The following LRPPRC variants were observed in gnomAD, a reference collection of about 807,000 sequenced individuals.
LRPPRC encodes leucine-rich PPR motif-containing protein, mitochondrial.
A neutral mutation model predicts 180.3 loss-of-function variants in LRPPRC; 120 were observed. The observed-to-expected ratio is 0.67, with a 90% CI of 0.57 to 0.77. The LOEUF is 0.77. LRPPRC is among the 30% of genes least tolerant of loss of function. The pLI is 0.00. For missense variants in LRPPRC, 2,012 were observed against 1,657.2 expected (o/e 1.21, Z -3.72); for synonymous variants, 723 against 600.0 (o/e 1.21, Z -3.00).
chr2:43,935,247 G>A (rs1414486641), intron 23 of LRPPRC, among the ~76,000 whole-genome samples: 3 of 152,196 alleles, frequency 2.0e-5, no homozygotes, highest in Non-Finnish European at 4.4e-5. Flanking sequence ...AAGGACTACC[G>A]TCAAATACTT....
intron 30 of LRPPRC, among the ~76,000 whole-genome samples, chr2:43,911,965 T>C (rs1329484604): frequency 6.6e-6 from 1 of 152,156 alleles, no homozygotes; most frequent in Non-Finnish European, 1.5e-5. Flanking sequence ...AGTAATATTA[T>C]CATACACTCA....
chr2:43,976,947 A>G, intron 5 of LRPPRC, 47 bp downstream of exon 5: 1 of 1,484,914 alleles, frequency 6.7e-7, no homozygotes, highest in South Asian at 1.1e-5. Flanking sequence ...TTAGATTTAC[A>G]AAATGTACAA....
At position 43,934,779 on chromosome 2, in the gene LRPPRC, T is replaced by C. The variant is rs933122842; in HGVS notation, c.2604A>G (p.Lys868=). The C allele has an allele frequency of 1.9e-6, 3 of 1,612,892 alleles. No homozygotes were observed. Among genetic ancestry groups the C allele is most frequent in the African/African-American group, 1.3e-5 (1 of 74,914 alleles). ...CTTTCTGAATTAGATCAGTCTCGCCTTTCTCTACCAGTTTACACAAGACAT... is the reference window on the plus strand; with the variant it reads ...CTTTCTGAATTAGATCAGTCTCGCCCTTCTCTACCAGTTTACACAAGACAT... ...IHDVLCKLVE[K]GETDLIQKAM... is the part of the protein sequence containing the mutation. The change falls in exon 24 of 38, where the codon AAA becomes AAG. Residue 868 remains lysine, a synonymous_variant. Transcript: ENST00000260665.
Position 43,934,869 on chromosome 2 carries a change from T to G in LRPPRC, c.2514A>C (p.Leu838=), listed in dbSNP as rs369815413. The G allele has an allele frequency of 1.2e-6, 2 of 1,612,930 alleles. No individual in the cohort carries two copies. The highest frequency in any genetic ancestry group is 4.5e-5 in the East Asian group (2 of 44,820). ...CAATGGCGACCTCAAGAGCAGTAGA[T>G]AGGTCGCCCCTTAGAAACAAAAAAA... The part of the protein sequence containing the change: ...LVTVHLEKGD[L]STALEVAIDC... The change falls in exon 24 of 38, where the codon CTA becomes CTC. Residue 838 remains leucine, a synonymous_variant. Transcript: ENST00000260665.
At chr2:43,995,346 T>A (rs377024891) in intron 1 of LRPPRC, among the ~76,000 whole-genome samples, 5 of 152,198 alleles carry the variant, frequency 3.3e-5, no homozygotes, top group African/African-American at 1.2e-4. Flanking sequence ...CCCAACCCAC[T>A]CCTCGCCGCC....
chr2:43,922,152 T>C (rs186016136), intron 27 of LRPPRC, among the ~76,000 whole-genome samples: 1 of 152,316 alleles, frequency 6.6e-6, no homozygotes, highest in African/African-American at 2.4e-5. Context: ...TTGGGAAGGA[T>C]AGAAATGAAG....
intron 13 of LRPPRC, chr2:43,959,069 T>C (rs924884307): frequency 1.0e-5 from 6 of 577,156 alleles, no homozygotes; most frequent in Admixed American, 3.0e-5. Flanking sequence ...CTAGTTTCCT[T>C]AGCAACAAAC....
chr2:43,918,803 A>ATC (rs1558938319), intron 27 of LRPPRC, among the ~76,000 whole-genome samples: 4 of 131,732 alleles, frequency 3.0e-5, no homozygotes, highest in South Asian at 4.6e-4. Context: ...ATATATATAT[A>ATC]TATATAGATA....
intron 12 of LRPPRC, among the ~76,000 whole-genome samples, chr2:43,962,158 T>C (rs1468576857): frequency 6.6e-6 from 1 of 152,064 alleles, no homozygotes; most frequent in Non-Finnish European, 1.5e-5. Flanking sequence ...GATAAGTCAC[T>C]AGTGAGAAAG....
intron 31 of LRPPRC, chr2:43,904,365 A>C (rs1670989938): frequency 6.6e-6 from 1 of 152,152 alleles, no homozygotes; most frequent in Admixed American, 6.5e-5. Flanking sequence ...GCACAATTAA[A>C]CAACAACTTC....
chr2:43,917,801 A>C lies in LRPPRC; in HGVS notation c.3148+224T>G, dbSNP rs550923815. On this transcript the variant is annotated intron_variant, in intron 29 of 37. Coordinates refer to ENST00000260665, the MANE Select transcript of LRPPRC (RefSeq NM_133259.4). ...GAGACTTCATCTCAAAAAAAATAATAAAAAGAGTAATTCCTTAATATTATC... is the reference window on the plus strand; with the variant it reads ...GAGACTTCATCTCAAAAAAAATAATCAAAAGAGTAATTCCTTAATATTATC... Among the ~76,000 whole-genome samples, 9 of 152,184 alleles carry C rather than the reference A, an allele frequency of 5.9e-5. No individual in the cohort carries two copies. In the South Asian group the frequency reaches 1.9e-3, roughly 32 times the overall value.
chr2:43,980,602 A>G (rs955545988), intron 2 of LRPPRC, among the ~76,000 whole-genome samples: 29 of 151,766 alleles, frequency 1.9e-4, no homozygotes, highest in African/African-American at 6.0e-4. Flanking sequence ...GAGAGAGAGA[A>G]AGAAAGAATA....
At chr2:43,946,013 A>G (rs1672667727) in intron 21 of LRPPRC, 100 bp downstream of exon 21, 2 of 1,257,706 alleles carry the variant, frequency 1.6e-6, no homozygotes, top group South Asian at 2.5e-5. Context: ...ATTTTTAAAA[A>G]TGACATTATA....
intron 11 of LRPPRC, among the ~76,000 whole-genome samples, chr2:43,970,049 T>C (rs896730588): frequency 6.6e-6 from 1 of 152,162 alleles, no homozygotes; most frequent in Admixed American, 6.5e-5. Context: ...TAATACATAA[T>C]CCTGAAAAGT....
At chr2:43,982,703 T>A (rs1297826580) in intron 1 of LRPPRC, among the ~76,000 whole-genome samples, 1 of 152,190 alleles carries the variant, frequency 6.6e-6, no homozygotes, top group Non-Finnish European at 1.5e-5. Context: ...GATTTCAAAA[T>A]CAGATGGAAA....
At chr2:43,966,993 G>A (rs1198780434) in intron 11 of LRPPRC, among the ~76,000 whole-genome samples, 1 of 152,144 alleles carries the variant, frequency 6.6e-6, no homozygotes, top group Non-Finnish European at 1.5e-5. Flanking sequence ...AGAAGTTGCA[G>A]TGAGCTGAGA....
chr2:43,949,715 C>T (rs1672826562), intron 15 of LRPPRC, 56 bp from the exon 16 acceptor site: 1 of 1,135,936 alleles, frequency 8.8e-7, no homozygotes, highest in Admixed American at 1.7e-5. Flanking sequence ...AGAACAAACA[C>T]AATCTGAAAT....
chr2:43,895,230 T>C (rs1178360770), intron 35 of LRPPRC, among the ~76,000 whole-genome samples: 1 of 152,152 alleles, frequency 6.6e-6, no homozygotes, highest in Non-Finnish European at 1.5e-5. Flanking sequence ...TATATAAACA[T>C]CTATGCCCTC....
intron 13 of LRPPRC, among the ~76,000 whole-genome samples, chr2:43,959,921 G>A (rs1673270419): frequency 6.6e-6 from 1 of 152,004 alleles, no homozygotes; most frequent in Non-Finnish European, 1.5e-5. Flanking sequence ...AGTGCAGTAT[G>A]GTGAAAAGAA....
Sources: allele counts gnomAD v4.1 joint callset (sites outside exome capture counted in the v4.1 genomes callset), GRCh38; gene constraint gnomAD v4.1.1; transcripts MANE v1.5; gene names NCBI Gene and HGNC (gene_info 2026-07-23, HGNC 2026-07-21).